The following MBD5 variants were observed in gnomAD, a reference collection of about 807,000 sequenced individuals.
The protein encoded by MBD5 is methyl-CpG-binding domain protein 5.
Under a neutral mutation model 117.3 loss-of-function variants are expected in MBD5, and 13 were observed. That is an observed-to-expected ratio of 0.11 (90% CI 0.07 to 0.18). The LOEUF is 0.18. MBD5 is among the 10% of genes least tolerant of loss of function. MBD5 has a pLI of 1.00. For missense variants in MBD5, 1,879 were observed against 2,093.8 expected, an observed-to-expected ratio of 0.90 and a Z score of 2.00; for synonymous variants, 727 against 766.4, an observed-to-expected ratio of 0.95 and a Z score of 0.85.
intron 1 of MBD5, among the ~76,000 whole-genome samples, chr2:148,176,195 A>C (rs1698380729): frequency 6.6e-6 from 1 of 152,140 alleles, no homozygotes; most frequent in African/African-American, 2.4e-5. Context: ...AGGTAAGGAA[A>C]ATAAGAGCTA....
intron 1 of MBD5, among the ~76,000 whole-genome samples, chr2:148,164,626 T>G (rs1377396305): frequency 6.6e-6 from 1 of 152,100 alleles, no homozygotes; most frequent in Non-Finnish European, 1.5e-5. Flanking sequence ...CTACAAGACG[T>G]TTTTAGGACC....
At chr2:148,060,359 C>A (rs1455810847) in intron 1 of MBD5, among the ~76,000 whole-genome samples, 2 of 151,230 alleles carry the variant, frequency 1.3e-5, no homozygotes, top group Non-Finnish European at 2.9e-5. Context: ...CTTTATATAT[C>A]TTTTAATTGT....
At chr2:148,153,195 A>G (rs1160766786) in intron 1 of MBD5, among the ~76,000 whole-genome samples, 1 of 150,774 alleles carries the variant, frequency 6.6e-6, no homozygotes, top group African/African-American at 2.4e-5. Context: ...TCCTTCACTT[A>G]TGAAGCTTAG....
intron 1 of MBD5, among the ~76,000 whole-genome samples, chr2:148,176,304 GT>G (rs34981118): frequency 0.32 from 32,078 of 98,976 alleles, 2,712 homozygotes; most frequent in Non-Finnish European, 0.37. Context: ...TTAGAGTTTT[GT>G]TTTTTTTTTT....
At chr2:148,051,220 T>C (rs554838896) in intron 1 of MBD5, among the ~76,000 whole-genome samples, 28 of 152,172 alleles carry the variant, frequency 1.8e-4, no homozygotes, top group Non-Finnish European at 3.4e-4. Context: ...ATTTTTGGTT[T>C]GTTCATTGCT....
chr2:148,384,510 A>T (rs551633127), intron 4 of MBD5, among the ~76,000 whole-genome samples: 1 of 152,284 alleles, frequency 6.6e-6, no homozygotes, highest in East Asian at 1.9e-4. Flanking sequence ...TAGGAAGAAT[A>T]AATATCGTGA....
Position 148,483,200 on chromosome 2 carries a change from T to C in MBD5, c.2609T>C (p.Ile870Thr). 1 of 1,613,902 alleles carries C rather than the reference T, an allele frequency of 6.2e-7. No individual in the cohort carries two copies. The highest frequency in any genetic ancestry group is 8.5e-7 in the Non-Finnish European group (1 of 1,179,968). ...ACATCTGTTCTTCAAGATGGCGTCA[T>C]AGTCACCACTGCAGCTGGAAACCCA... ...KTTSVLQDGV[I>T]VTTAAGNPLQ... is the part of the protein sequence containing the mutation. Residue 870 changes from isoleucine (I) to threonine (T), a missense_variant, in exon 9 of 14, where the codon ATA (isoleucine) becomes ACA (threonine). Ile to Thr is a moderately conservative substitution (Grantham distance 89, BLOSUM62 -1). Coordinates refer to ENST00000642680, the MANE Select transcript of MBD5 (RefSeq NM_001378120.1).
chr2:148,469,314 C>T lies in MBD5; in HGVS notation c.1371C>T (p.Pro457=), dbSNP rs764549578. ...GAATTGGAAGGATTGAGGCATCGCC[C>T]CAAAGATCACGCTCATCTTCCACAT... ...GTGIGRIEAS[P]QRSRSSSTSS... is the part of the protein sequence containing the mutation. The change falls in exon 8 of 14, where the codon CCC becomes CCT. Residue 457 remains proline, a synonymous_variant. Transcript: ENST00000642680. 1.2e-6 allele frequency: 2 copies of T among 1,613,782 alleles called. No individual in the cohort carries two copies. The highest frequency in any genetic ancestry group is 1.7e-6 in the Non-Finnish European group (2 of 1,179,944).
chr2:148,283,995 T>G (rs1701312223), intron 3 of MBD5, among the ~76,000 whole-genome samples: 1 of 152,234 alleles, frequency 6.6e-6, no homozygotes, highest in Non-Finnish European at 1.5e-5. Flanking sequence ...TAGTTTCTTT[T>G]GTACTCTTCT....
intron 11 of MBD5, among the ~76,000 whole-genome samples, chr2:148,493,266 C>A (rs1218981895): frequency 6.6e-6 from 1 of 152,184 alleles, no homozygotes; most frequent in Non-Finnish European, 1.5e-5. Flanking sequence ...ACTTTCTTAG[C>A]TTCTCAGCTT....
At chr2:148,168,962 G>A (rs982042401) in intron 1 of MBD5, among the ~76,000 whole-genome samples, 1 of 148,022 alleles carries the variant, frequency 6.8e-6, no homozygotes, top group Admixed American at 6.8e-5. Context: ...TGTATATATA[G>A]GATATATATA....
chr2:148,452,307 G>C (rs1457187700), intron 4 of MBD5, among the ~76,000 whole-genome samples: 5 of 152,168 alleles, frequency 3.3e-5, no homozygotes, highest in South Asian at 4.1e-4. Flanking sequence ...ACCAGCCTGG[G>C]CAACAAAAGG....
At chr2:148,359,313 A>C (rs1297747178) in intron 4 of MBD5, among the ~76,000 whole-genome samples, 4 of 151,912 alleles carry the variant, frequency 2.6e-5, no homozygotes, top group African/African-American at 4.8e-5. Flanking sequence ...AGTTAACAGC[A>C]ATAAGGATCA....
Position 148,458,336 on chromosome 2 carries a change from C to T in MBD5, c.-423C>T, listed in dbSNP as rs1048334023. 4.6e-5 allele frequency: 19 copies of T among 413,206 alleles called. No homozygotes were observed. Among genetic ancestry groups the T allele is most frequent in the African/African-American group, 2.9e-4 (14 of 48,922 alleles). 25.6% of individuals were successfully genotyped at this position (413,206 alleles called of 1,614,324 possible). A position where few individuals can be genotyped will look rare whatever the true frequency, so the allele number is the denominator to read the frequency against. ...AAGGCGGGTACCTGGAAATATTAAC[C>T]GACTCACACTGTAAAAATGAGACCA... On this transcript the variant is annotated 5_prime_UTR_variant, in exon 5 of 14. Coordinates refer to ENST00000642680, the MANE Select transcript of MBD5 (RefSeq NM_001378120.1).
intron 4 of MBD5, among the ~76,000 whole-genome samples, chr2:148,380,738 A>G (rs1424487929): frequency 6.6e-6 from 1 of 152,090 alleles, no homozygotes; most frequent in Non-Finnish European, 1.5e-5. Context: ...GCGGACTGAC[A>G]CCTCACACAG....
chr2:148,149,884 G>C (rs1290400611), intron 1 of MBD5, among the ~76,000 whole-genome samples: 5 of 146,736 alleles, frequency 3.4e-5, no homozygotes. Flanking sequence ...CTCCCATTTT[G>C]TAGGTTGCCT....
At chr2:148,281,417 A>AT (rs1202064407) in intron 3 of MBD5, among the ~76,000 whole-genome samples, 1 of 151,608 alleles carries the variant, frequency 6.6e-6, no homozygotes, top group African/African-American at 2.4e-5. Context: ...AATTTTTGTC[A>AT]TTTTTTTGCA....
intron 4 of MBD5, among the ~76,000 whole-genome samples, chr2:148,406,982 G>T (rs894382192): frequency 6.6e-6 from 1 of 152,072 alleles, no homozygotes; most frequent in Non-Finnish European, 1.5e-5. Context: ...TATGAAGTTG[G>T]TTATTGGTTT....
At chr2:148,451,352 G>GA (rs1706722162) in intron 4 of MBD5, among the ~76,000 whole-genome samples, 1 of 152,144 alleles carries the variant, frequency 6.6e-6, no homozygotes, top group African/African-American at 2.4e-5. Flanking sequence ...TAAAAAATAT[G>GA]AAAAAAGATA....
Sources: gnomAD v4.1 joint callset for allele counts (sites outside exome capture counted in the v4.1 genomes callset) on GRCh38, gnomAD v4.1.1 for gene constraint, MANE v1.5 for transcripts, NCBI Gene and HGNC (gene_info 2026-07-23, HGNC 2026-07-21) for gene names.